Variants in ABCD2 observed in about 807,000 individuals in gnomAD.
The protein encoded by ABCD2 is ATP binding cassette subfamily D member 2.
In ABCD2, 36 loss-of-function variants were observed where a neutral mutation model predicts 70.9. The ratio of observed to expected loss-of-function variants is 0.51; its 90% CI spans 0.39 to 0.67. The LOEUF (loss-of-function observed/expected upper bound fraction) is 0.67. Among genes scored for constraint, ABCD2 ranks in the 30% least tolerant of loss-of-function variants. ABCD2 has a pLI of 0.00. For missense variants in ABCD2, 729 were observed against 890.2 expected (o/e 0.82, Z 2.30); for synonymous variants, 304 against 306.9 (o/e 0.99, Z 0.10).
chr12:39,592,002 C>T (rs1941752743), intron 6 of ABCD2, among the ~76,000 whole-genome samples: 1 of 151,978 alleles, frequency 6.6e-6, no homozygotes, highest in Non-Finnish European at 1.5e-5. Flanking sequence ...TAGCATTCTT[C>T]CAAGCCATAG....
At chr12:39,546,112 T>C (rs903142365), downstream of ABCD2, among the ~76,000 whole-genome samples, 2 of 152,142 alleles carry the variant, frequency 1.3e-5, no homozygotes, top group African/African-American at 4.8e-5. Flanking sequence ...TATTATGAAA[T>C]TCCCAAGATG....
intron 9 of ABCD2, among the ~76,000 whole-genome samples, chr12:39,569,191 C>T (rs1941407853): frequency 6.6e-6 from 1 of 152,210 alleles, no homozygotes. Context: ...GAGTATTCTG[C>T]TGCCTTTTGT....
At chr12:39,559,251 A>T (rs1941215399) in intron 9 of ABCD2, among the ~76,000 whole-genome samples, 1 of 151,696 alleles carries the variant, frequency 6.6e-6, no homozygotes, top group South Asian at 2.1e-4. Flanking sequence ...GTGTGCCTGT[A>T]CTCTCAGCTA....
At chr12:39,593,605 T>C (rs1380950190) in intron 6 of ABCD2, among the ~76,000 whole-genome samples, 1 of 152,168 alleles carries the variant, frequency 6.6e-6, no homozygotes, top group Non-Finnish European at 1.5e-5. Flanking sequence ...AAGTACTTCT[T>C]AGTGCACAGG....
rs1941121777 is a variant in ABCD2, at chr12:39,553,803, T to C, written c.*109A>G. 3 of 784,414 alleles carry C rather than the reference T, an allele frequency of 3.8e-6. No homozygotes were observed. The highest frequency in any genetic ancestry group is 5.9e-6 in the Non-Finnish European group (3 of 506,404). The allele number at this position is 784,414 out of a possible 1,614,324, so 48.6% of individuals were successfully genotyped here. A position where few individuals can be genotyped will look rare whatever the true frequency, so the allele number is the denominator to read the frequency against. On this transcript the variant is annotated 3_prime_UTR_variant, in exon 10 of 10. Transcript: ENST00000308666. ...TAATGCTAAAATCTTATAAAACATG[T>C]CTTGCTGCCTTTTTTTCTCTGTGCT...
At chr12:39,570,312 A>G (rs1298937361) in intron 9 of ABCD2, among the ~76,000 whole-genome samples, 1 of 152,258 alleles carries the variant, frequency 6.6e-6, no homozygotes, top group Non-Finnish European at 1.5e-5. Flanking sequence ...AGCTGGAGCC[A>G]TCACACTACC....
At chr12:39,577,665 T>C (rs1036976609) in intron 8 of ABCD2, among the ~76,000 whole-genome samples, 1 of 152,192 alleles carries the variant, frequency 6.6e-6, no homozygotes, top group Non-Finnish European at 1.5e-5. Context: ...ATGAACCATA[T>C]ATTAAATAAC....
intron 9 of ABCD2, 144 bp from the exon 10 acceptor site, chr12:39,554,275 G>T (rs143706334): frequency 1.4e-6 from 1 of 692,372 alleles, no homozygotes; most frequent in Non-Finnish European, 2.3e-6. Flanking sequence ...ATATCAAAAA[G>T]TTAAATACTG....
At chr12:39,576,891 T>C (rs1001287110) in intron 8 of ABCD2, among the ~76,000 whole-genome samples, 7 of 152,150 alleles carry the variant, frequency 4.6e-5, no homozygotes, top group Non-Finnish European at 7.4e-5. Context: ...ATATGTGTAT[T>C]TAGTATATAA....
the ABCD2 span, among the ~76,000 whole-genome samples, chr12:39,537,982 T>A: frequency 1.1e-3 from 163 of 152,262 alleles, no homozygotes; most frequent in African/African-American, 3.6e-3. Context: ...GGACTTCCTA[T>A]AACTAAATCA....
rs1271640922 is a variant in ABCD2, at chr12:39,573,700, C to A, written c.2003+16G>T. ...GGAAAAACCATCTACCACAAATTAG[C>A]ACTAGAAACACTTACCAAAGAGAAG... On this transcript the variant is annotated intron_variant, in intron 9 of 9. Coordinates refer to ENST00000308666, the MANE Select transcript of ABCD2 (RefSeq NM_005164.4). 2 of 1,590,872 alleles carry A rather than the reference C, an allele frequency of 1.3e-6. No homozygotes were observed. Among genetic ancestry groups the A allele is most frequent in the Non-Finnish European group, 1.7e-6 (2 of 1,170,376 alleles).
intron 9 of ABCD2, among the ~76,000 whole-genome samples, chr12:39,555,628 A>C (rs1302886932): frequency 6.6e-6 from 1 of 152,206 alleles, no homozygotes; most frequent in Non-Finnish European, 1.5e-5. Flanking sequence ...TGTAAGCATA[A>C]GAGTTTGCAT....
At chr12:39,602,183 C>T (rs373364430) in intron 5 of ABCD2, among the ~76,000 whole-genome samples, 146 of 145,192 alleles carry the variant, frequency 1.0e-3, no homozygotes, top group African/African-American at 3.6e-3. Context: ...TATACTGAGT[C>T]TTATTCTGTC....
At chr12:39,538,767 G>C in the ABCD2 span, among the ~76,000 whole-genome samples, 1 of 152,192 alleles carries the variant, frequency 6.6e-6, no homozygotes, top group Non-Finnish European at 1.5e-5. Context: ...CAGCAAGATA[G>C]CAGAAGCGGG....
At chr12:39,586,061 A>G (rs1209298037) in intron 7 of ABCD2, 91 bp downstream of exon 7, 2 of 1,167,132 alleles carry the variant, frequency 1.7e-6, no homozygotes, top group African/African-American at 3.1e-5. Flanking sequence ...ATTATAGCAT[A>G]CATTCAAATT....
chr12:39,558,299 C>T (rs902575325), intron 9 of ABCD2, among the ~76,000 whole-genome samples: 1 of 152,134 alleles, frequency 6.6e-6, no homozygotes, highest in African/African-American at 2.4e-5. Flanking sequence ...CCCATTATAT[C>T]TAGGAAGTAA....
At chr12:39,588,356 C>A (rs1433573393) in intron 6 of ABCD2, among the ~76,000 whole-genome samples, 3 of 152,072 alleles carry the variant, frequency 2.0e-5, no homozygotes, top group Non-Finnish European at 4.4e-5. Flanking sequence ...AATTAAGGTT[C>A]TTGAGACGAG....
At chr12:39,557,378 T>C (rs140868045) in intron 9 of ABCD2, among the ~76,000 whole-genome samples, 5 of 152,300 alleles carry the variant, frequency 3.3e-5, no homozygotes, top group African/African-American at 1.2e-4. Context: ...TTCAGTTTTA[T>C]GCTTCACAAA....
At chr12:39,540,330 C>T in the ABCD2 span, among the ~76,000 whole-genome samples, 4 of 152,180 alleles carry the variant, frequency 2.6e-5, no homozygotes, top group Admixed American at 1.3e-4. Context: ...ACCTTACAAA[C>T]CATAAATTCT....
Sources: allele counts gnomAD v4.1 joint callset (sites outside exome capture counted in the v4.1 genomes callset), GRCh38; gene constraint gnomAD v4.1.1; transcripts MANE v1.5; gene names NCBI Gene and HGNC (gene_info 2026-07-23, HGNC 2026-07-21).